Variants in GALNT13 observed in about 807,000 individuals in gnomAD.
GALNT13 encodes UDP-GalNAc:polypeptide N-acetylgalactosaminyltransferase 13.
GALNT13 carries 28 observed loss-of-function variants against 64.2 expected under a neutral mutation model. That is an observed-to-expected ratio of 0.44 (90% CI 0.32 to 0.60). GALNT13 has a LOEUF of 0.60. GALNT13 is among the 20% of genes least tolerant of loss of function. GALNT13 has a pLI of 0.05. For synonymous variants in GALNT13, 214 were observed against 224.6 expected (o/e 0.95, Z 0.42); for missense variants, 577 against 669.8 (o/e 0.86, Z 1.53).
chr2:154,446,543 A>G, intron 12 of GALNT13: 1 of 1,516,118 alleles, frequency 6.6e-7, no homozygotes, highest in Non-Finnish European at 8.9e-7. Context: ...TTTTGTCATT[A>G]TTCGTTATTT....
At chr2:154,031,046 T>C (rs2105305990) in intron 3 of GALNT13, among the ~76,000 whole-genome samples, 1 of 152,298 alleles carries the variant, frequency 6.6e-6, no homozygotes, top group Admixed American at 6.5e-5. Context: ...CTCTAGAAGA[T>C]AACTGACCAC....
the GALNT13 span, among the ~76,000 whole-genome samples, chr2:153,473,522 T>C: frequency 6.6e-6 from 1 of 152,210 alleles, no homozygotes; most frequent in African/African-American, 2.4e-5. Flanking sequence ...CAATTACTAC[T>C]GAGGCAGCTG....
intron 3 of GALNT13, among the ~76,000 whole-genome samples, chr2:154,079,735 T>C (rs1362957176): frequency 6.6e-6 from 1 of 151,554 alleles, no homozygotes; most frequent in Non-Finnish European, 1.5e-5. Flanking sequence ...CTTTTTTCCA[T>C]GATACAAAGG....
intron 8 of GALNT13, chr2:154,287,427 G>A (rs954071516): frequency 3.4e-5 from 15 of 435,852 alleles, no homozygotes; most frequent in Non-Finnish European, 5.6e-5. Flanking sequence ...CCCCAGTGAG[G>A]GCCCACCCTG....
At chr2:153,246,372 C>T in the GALNT13 span, among the ~76,000 whole-genome samples, 22 of 152,110 alleles carry the variant, frequency 1.4e-4, no homozygotes, top group African/African-American at 2.9e-4. Context: ...GTGAAACAAA[C>T]GAAAAACTGT....
the GALNT13 span, among the ~76,000 whole-genome samples, chr2:153,754,299 T>C: frequency 6.6e-6 from 1 of 152,068 alleles, no homozygotes; most frequent in Non-Finnish European, 1.5e-5. Flanking sequence ...CAGCTGGGAA[T>C]GTGCTCAGTC....
At chr2:154,381,161 T>G (rs1158619028) in intron 9 of GALNT13, among the ~76,000 whole-genome samples, 2 of 152,038 alleles carry the variant, frequency 1.3e-5, no homozygotes, top group African/African-American at 2.4e-5. Context: ...GGTAATAGCC[T>G]TTTTAGAGTC....
chr2:154,291,578 G>A (rs1692635538), intron 8 of GALNT13, among the ~76,000 whole-genome samples: 1 of 152,194 alleles, frequency 6.6e-6, no homozygotes, highest in Non-Finnish European at 1.5e-5. Flanking sequence ...AGCAGGTGCT[G>A]GCCGGCCACG....
intron 3 of GALNT13, among the ~76,000 whole-genome samples, chr2:154,065,046 A>G (rs1467687848): frequency 2.0e-5 from 3 of 152,024 alleles, no homozygotes; most frequent in Non-Finnish European, 1.5e-5. Context: ...ACACAAGCTG[A>G]CTGAAGATCC....
At chr2:153,786,902 C>T in the GALNT13 span, among the ~76,000 whole-genome samples, 1 of 152,134 alleles carries the variant, frequency 6.6e-6, no homozygotes, top group African/African-American at 2.4e-5. Flanking sequence ...ATGGGTAACA[C>T]CCACTCCCAC....
intron 3 of GALNT13, among the ~76,000 whole-genome samples, chr2:154,032,233 T>C (rs560980551): frequency 2.6e-4 from 39 of 152,084 alleles, no homozygotes; most frequent in Non-Finnish European, 5.3e-4. Context: ...TTGAAAGATA[T>C]ACAACACGAA....
chr2:153,525,192 A>G, the GALNT13 span, among the ~76,000 whole-genome samples: 1 of 152,188 alleles, frequency 6.6e-6, no homozygotes, highest in Non-Finnish European at 1.5e-5. Context: ...CAGTTCTAAC[A>G]GCATTAATCA....
chr2:153,178,696 C>A, the GALNT13 span, among the ~76,000 whole-genome samples: 1 of 141,976 alleles, frequency 7.0e-6, no homozygotes, highest in African/African-American at 2.6e-5. Flanking sequence ...TGTACAGAAG[C>A]TTTTTAGTTT....
At chr2:154,020,482 G>A (rs1276136501) in intron 3 of GALNT13, among the ~76,000 whole-genome samples, 1 of 152,040 alleles carries the variant, frequency 6.6e-6, no homozygotes, top group Non-Finnish European at 1.5e-5. Context: ...GTGTTTTTTG[G>A]CTGCATAAAT....
chr2:154,401,895 A>T (rs1699318902), intron 10 of GALNT13, among the ~76,000 whole-genome samples: 1 of 152,182 alleles, frequency 6.6e-6, no homozygotes, highest in Admixed American at 6.5e-5. Flanking sequence ...AGTGAAGTCA[A>T]CTTGAATTGT....
At chr2:154,009,285 G>T (rs945801466) in intron 3 of GALNT13, among the ~76,000 whole-genome samples, 8 of 151,286 alleles carry the variant, frequency 5.3e-5, no homozygotes, top group African/African-American at 1.9e-4. Flanking sequence ...GTACCATGCT[G>T]TTTTGGTTAC....
intron 2 of GALNT13, among the ~76,000 whole-genome samples, chr2:153,935,173 A>G (rs1690813191): frequency 6.6e-6 from 1 of 152,242 alleles, no homozygotes; most frequent in Non-Finnish European, 1.5e-5. Flanking sequence ...AGAGGATATC[A>G]ATAGGTTTTA....
the GALNT13 span, among the ~76,000 whole-genome samples, chr2:153,560,454 T>A: frequency 6.6e-6 from 1 of 152,210 alleles, no homozygotes; most frequent in South Asian, 2.1e-4. Flanking sequence ...TCTACTTCTT[T>A]TAGAATTTTA....
At chr2:153,599,704 G>C in the GALNT13 span, among the ~76,000 whole-genome samples, 2 of 151,982 alleles carry the variant, frequency 1.3e-5, no homozygotes, top group Non-Finnish European at 2.9e-5. Flanking sequence ...AATCAGGGAA[G>C]GGTTTGGAGT....
Sources: allele counts gnomAD v4.1 joint callset (sites outside exome capture counted in the v4.1 genomes callset), GRCh38; gene constraint gnomAD v4.1.1; transcripts MANE v1.5; gene names NCBI Gene and HGNC (gene_info 2026-07-23, HGNC 2026-07-21).